TIPRL: variants seen among roughly 807,000 people sequenced by gnomAD.
TIPRL encodes the protein TIP41-like protein.
TIPRL carries 10 observed loss-of-function variants against 32.3 expected under a neutral mutation model. That is an observed-to-expected ratio of 0.31 (90% CI 0.19 to 0.52). The LOEUF is 0.52. Among genes scored for constraint, TIPRL ranks in the 20% least tolerant of loss-of-function variants. TIPRL has a pLI of 0.96. For missense variants in TIPRL, 250 were observed against 328.1 expected (o/e 0.76, Z 1.84); for synonymous variants, 100 against 114.0 (o/e 0.88, Z 0.78).
At position 168,183,888 on chromosome 1, in the gene TIPRL, T is replaced by G. The variant is rs748115894; in HGVS notation, c.105-14T>G. ...GATATAAAATTATCTCACCCGACTTTTGGTTACGTATAGATTAGCCGATGA... is the reference window on the plus strand; with the variant it reads ...GATATAAAATTATCTCACCCGACTTGTGGTTACGTATAGATTAGCCGATGA... On this transcript the variant is annotated splice_polypyrimidine_tract_variant and intron_variant, in intron 1 of 6. Coordinates refer to ENST00000367833, the MANE Select transcript of TIPRL (RefSeq NM_152902.5). 6.3e-7 allele frequency: 1 copy of G among 1,593,238 alleles called. No homozygotes were observed. The highest frequency in any genetic ancestry group is 2.3e-5 in the East Asian group (1 of 44,442).
intron 1 of TIPRL, among the ~76,000 whole-genome samples, chr1:168,183,673 C>T (rs147995568): frequency 1.4e-4 from 22 of 151,876 alleles, no homozygotes; most frequent in African/African-American, 4.8e-4. Context: ...TATTATATTA[C>T]GTATTTGTAT....
intron 4 of TIPRL, among the ~76,000 whole-genome samples, chr1:168,192,916 A>G (rs1700116833): frequency 1.3e-5 from 2 of 152,332 alleles, no homozygotes; most frequent in Middle Eastern, 3.4e-3. Flanking sequence ...AAAACAAACA[A>G]AAAACCTCTC....
chr1:168,193,517 C>T (rs1330126900), intron 4 of TIPRL, among the ~76,000 whole-genome samples: 1 of 152,130 alleles, frequency 6.6e-6, no homozygotes, highest in Non-Finnish European at 1.5e-5. Flanking sequence ...CACTTGTCTA[C>T]CACCTGTTGA....
intron 1 of TIPRL, 35 bp downstream of exon 1, chr1:168,179,216 C>A (rs752111169): frequency 1.9e-6 from 3 of 1,600,188 alleles, no homozygotes; most frequent in African/African-American, 1.3e-5. Context: ...GGGCGCTGGC[C>A]GGTTGCTGGC....
intron 6 of TIPRL, among the ~76,000 whole-genome samples, chr1:168,199,702 C>G (rs1700190239): frequency 6.6e-6 from 1 of 152,028 alleles, no homozygotes; most frequent in African/African-American, 2.4e-5. Flanking sequence ...ATTATATAAC[C>G]CTGTGATCTT....
chr1:168,180,320 C>T (rs986517157), intron 1 of TIPRL, among the ~76,000 whole-genome samples: 32 of 152,142 alleles, frequency 2.1e-4, no homozygotes, highest in African/African-American at 7.0e-4. Flanking sequence ...AGATGAGAAG[C>T]ACAGGAGGAG....
At chr1:168,181,232 G>C (rs1456164441) in intron 1 of TIPRL, among the ~76,000 whole-genome samples, 3 of 143,438 alleles carry the variant, frequency 2.1e-5, no homozygotes, top group Non-Finnish European at 4.6e-5. Flanking sequence ...TTTTTATTTT[G>C]AGATGGAGTT....
rs1203201562 is a variant in TIPRL, at chr1:168,201,937, G to A, written c.*1891G>A. The A allele has an allele frequency of 6.6e-6, 1 of 150,836 alleles. No individual in the cohort carries two copies. Among genetic ancestry groups the A allele is most frequent in the Non-Finnish European group, 1.5e-5 (1 of 67,688 alleles). 9.3% of individuals were successfully genotyped at this position (150,836 alleles called of 1,614,324 possible). A position where few individuals can be genotyped will look rare whatever the true frequency, so the allele number is the denominator to read the frequency against. On this transcript the variant is annotated 3_prime_UTR_variant, in exon 7 of 7. Coordinates refer to ENST00000367833, the MANE Select transcript of TIPRL (RefSeq NM_152902.5). The stretch of plus-strand genomic sequence containing the variant: ...AATAATTGCCTTTTTTTTTTTTAGA[G>A]GGTAAGAGATGGGTAGAAGAGTATG...
intron 4 of TIPRL, among the ~76,000 whole-genome samples, chr1:168,195,954 T>C (rs896846961): frequency 6.6e-5 from 10 of 152,206 alleles, no homozygotes; most frequent in African/African-American, 2.4e-4. Context: ...ACCTTCATAC[T>C]TTCTCCACTG....
At chr1:168,183,686 T>C (rs1195762030) in intron 1 of TIPRL, among the ~76,000 whole-genome samples, 1 of 152,204 alleles carries the variant, frequency 6.6e-6, no homozygotes, top group Non-Finnish European at 1.5e-5. Context: ...ATTTGTATAT[T>C]TATCTTATTT....
chr1:168,187,576 C>G (rs768865787), intron 3 of TIPRL, among the ~76,000 whole-genome samples: 2 of 152,224 alleles, frequency 1.3e-5, no homozygotes, highest in Non-Finnish European at 2.9e-5. Context: ...GGTTCAAAAT[C>G]CCAGCACCAT....
Position 168,183,377 on chromosome 1 carries a change from AT to A in TIPRL, c.105-510del, listed in dbSNP as rs55731463. On this transcript the variant is annotated intron_variant, in intron 1 of 6. Transcript: ENST00000367833. ...GTGTAAATTATGTTAAATTCCTGTG[AT>A]TTTTTTTTTTTTTTGCTTGATTGTT... Among the ~76,000 whole-genome samples the A allele has an allele frequency of 1.8e-3, 231 of 129,666 alleles. 1 individual carries two copies. Among genetic ancestry groups the A allele is most frequent in the East Asian group, 2.4e-3 (11 of 4,552 alleles). The allele number at this position is 129,666 out of a possible 152,430, so 85.1% of individuals were successfully genotyped here.
chr1:168,184,827 C>T lies in TIPRL; in HGVS notation c.333C>T (p.Thr111=). 1 of 1,612,566 alleles carries T rather than the reference C, an allele frequency of 6.2e-7. No individual in the cohort carries two copies. The highest frequency in any genetic ancestry group is 8.5e-7 in the Non-Finnish European group (1 of 1,179,242). The change falls in exon 3 of 7, where the codon ACC becomes ACT. Residue 111 remains threonine (T), a synonymous_variant. Transcript: ENST00000367833. ...AGGTTATTAAACCATATGATTGGAC[C>T]TATACAACAGATTATAAGGGAACCT... ...SKEVIKPYDW[T]YTTDYKGTLL...
intron 4 of TIPRL, among the ~76,000 whole-genome samples, chr1:168,193,355 A>G (rs947433859): frequency 6.6e-6 from 1 of 152,180 alleles, no homozygotes; most frequent in Admixed American, 6.5e-5. Context: ...ACTAATTGCA[A>G]AGTTTTCTTT....
intron 4 of TIPRL, among the ~76,000 whole-genome samples, chr1:168,195,673 A>G (rs1157434101): frequency 2.0e-5 from 3 of 152,076 alleles, no homozygotes; most frequent in Admixed American, 2.0e-4. Flanking sequence ...CCCAGGCCCA[A>G]GCCATCCTCC....
chr1:168,199,788 A>G (rs934792498), intron 6 of TIPRL, 115 bp from the exon 7 acceptor site: 1 of 994,054 alleles, frequency 1.0e-6, no homozygotes, highest in Non-Finnish European at 1.5e-6. Context: ...GCACATATGC[A>G]TATATTGCAC....
intron 4 of TIPRL, chr1:168,192,107 A>G (rs1343452303): frequency 8.0e-7 from 1 of 1,245,562 alleles, no homozygotes. Flanking sequence ...ATTAAAAATG[A>G]TGTTGATAGG....
chr1:168,193,169 C>A (rs1373116700), intron 4 of TIPRL, among the ~76,000 whole-genome samples: 2 of 151,832 alleles, frequency 1.3e-5, no homozygotes, highest in African/African-American at 4.8e-5. Flanking sequence ...GCTTGGGAGA[C>A]AAAATAATTT....
At chr1:168,179,292 C>A in intron 1 of TIPRL, 111 bp downstream of exon 1, 1 of 871,584 alleles carries the variant, frequency 1.1e-6, no homozygotes, top group Non-Finnish European at 1.8e-6. Context: ...GAGGTTCGGT[C>A]CCTCCGGACC....
Sources: gnomAD v4.1 joint callset for allele counts (sites outside exome capture counted in the v4.1 genomes callset) on GRCh38, gnomAD v4.1.1 for gene constraint, MANE v1.5 for transcripts, NCBI Gene and HGNC (gene_info 2026-07-23, HGNC 2026-07-21) for gene names.